The following PPP1R16B variants were observed in gnomAD, a reference collection of about 807,000 sequenced individuals.
The protein encoded by PPP1R16B is protein phosphatase 1 regulatory subunit 16B.
In PPP1R16B, 14 loss-of-function variants were observed where a neutral mutation model predicts 61.7. The observed-to-expected ratio is 0.23, with a 90% CI of 0.15 to 0.35. PPP1R16B has a LOEUF of 0.35. PPP1R16B is among the 10% of genes least tolerant of loss of function. The pLI, the probability that PPP1R16B is intolerant of heterozygous loss-of-function variation, is 1.00. For synonymous variants in PPP1R16B, 266 were observed against 305.3 expected (o/e 0.87, Z 1.34); for missense variants, 547 against 752.5 (o/e 0.73, Z 3.19).
intron 3 of PPP1R16B, among the ~76,000 whole-genome samples, chr20:38,892,724 C>T (rs545400096): frequency 6.6e-6 from 1 of 152,076 alleles, no homozygotes; most frequent in African/African-American, 2.4e-5. Context: ...ACCGATGACT[C>T]GACTCAAAGG....
At chr20:38,875,155 A>T (rs2085157111) in intron 2 of PPP1R16B, among the ~76,000 whole-genome samples, 1 of 152,166 alleles carries the variant, frequency 6.6e-6, no homozygotes, top group Non-Finnish European at 1.5e-5. Context: ...CCGAGAGCTC[A>T]GGACATTTTC....
At chr20:38,822,461 G>A (rs2084779097) in intron 1 of PPP1R16B, among the ~76,000 whole-genome samples, 1 of 142,412 alleles carries the variant, frequency 7.0e-6, no homozygotes, top group East Asian at 2.1e-4. Context: ...CTCCTCTCCA[G>A]TTTCTACTTG....
At position 38,908,041 on chromosome 20, in the gene PPP1R16B, C is replaced by A. The variant is rs1242087219; in HGVS notation, c.1042C>A (p.Arg348=). 1.2e-6 allele frequency: 2 copies of A among 1,614,034 alleles called. No homozygotes were observed. The highest frequency in any genetic ancestry group is 1.3e-5 in the African/African-American group (1 of 74,928). Residue 348 remains arginine (R), a synonymous_variant, in exon 10 of 11, where the codon CGA becomes AGA. Coordinates refer to ENST00000299824, the MANE Select transcript of PPP1R16B (RefSeq NM_015568.4). ...SAGSRGKVVR[R]ASLSDRTNLY... ...TTGTCCTCTCAGGAAGGTGGTGCGG[C>A]GAGCCAGCCTGTCGGACAGGACCAA...
At chr20:38,917,591 A>G (rs1321829416) in intron 10 of PPP1R16B, among the ~76,000 whole-genome samples, 1 of 152,194 alleles carries the variant, frequency 6.6e-6, no homozygotes, top group East Asian at 1.9e-4. Context: ...AGGAAGGATT[A>G]CAAGTGACTG....
At chr20:38,855,369 AC>A (rs1247071205) in intron 2 of PPP1R16B, among the ~76,000 whole-genome samples, 9 of 151,486 alleles carry the variant, frequency 5.9e-5, no homozygotes, top group Non-Finnish European at 1.2e-4. Context: ...AAAAAAAAAA[AC>A]AAAACCCTAG....
chr20:38,846,899 C>T (rs1452921734), intron 2 of PPP1R16B, among the ~76,000 whole-genome samples: 2 of 151,954 alleles, frequency 1.3e-5, no homozygotes, highest in East Asian at 1.9e-4. Flanking sequence ...TAGCAACTTG[C>T]GGGGTGGAGG....
chr20:38,852,778 G>C (rs1331392879), intron 2 of PPP1R16B, among the ~76,000 whole-genome samples: 1 of 126,150 alleles, frequency 7.9e-6, no homozygotes, highest in Non-Finnish European at 1.7e-5. Context: ...TGCGGGGGGT[G>C]GGGGTAGCAT....
intron 1 of PPP1R16B, among the ~76,000 whole-genome samples, chr20:38,815,990 A>C (rs1018182618): frequency 2.0e-5 from 3 of 152,242 alleles, no homozygotes; most frequent in Non-Finnish European, 4.4e-5. Flanking sequence ...ATTCATTAAT[A>C]TCACAAATGA....
chr20:38,920,543 T>G lies in PPP1R16B; in HGVS notation c.*1877T>G, dbSNP rs1464650893. Reference sequence around the variant, plus strand: ...CCCTACTGTGGCCCCCATAGCCCCATAACCCAGAGAGGGAGCTGGACTTCA... The same window carrying G: ...CCCTACTGTGGCCCCCATAGCCCCAGAACCCAGAGAGGGAGCTGGACTTCA... On this transcript the variant is annotated 3_prime_UTR_variant, in exon 11 of 11. Coordinates refer to ENST00000299824, the MANE Select transcript of PPP1R16B (RefSeq NM_015568.4). The G allele has an allele frequency of 1.3e-5, 2 of 153,112 alleles. No homozygotes were observed. The highest frequency in any genetic ancestry group is 4.1e-4 in the South Asian group (2 of 4,840). The allele number at this position is 153,112 out of a possible 1,614,324, so 9.5% of individuals were successfully genotyped here. A position where few individuals can be genotyped will look rare whatever the true frequency, so the allele number is the denominator to read the frequency against.
chr20:38,883,920 G>T (rs150882257), intron 2 of PPP1R16B, among the ~76,000 whole-genome samples: 14 of 152,312 alleles, frequency 9.2e-5, no homozygotes, highest in African/African-American at 3.4e-4. Context: ...CAGAGAAGGG[G>T]AATAACTTGC....
chr20:38,819,434 C>G (rs983051715), intron 1 of PPP1R16B, among the ~76,000 whole-genome samples: 1 of 152,010 alleles, frequency 6.6e-6, no homozygotes, highest in Non-Finnish European at 1.5e-5. Context: ...TGTTTGAACC[C>G]AGGAGTTTGA....
rs542182990 is a variant in PPP1R16B, at chr20:38,918,143, C to G, written c.1195-14C>G. 1 of 1,611,826 alleles carries G rather than the reference C, an allele frequency of 6.2e-7. No individual in the cohort carries two copies. Among genetic ancestry groups the G allele is most frequent in the Non-Finnish European group, 8.5e-7 (1 of 1,178,112 alleles). Reference sequence around the variant, plus strand: ...CTTCCAGCCAGCTGGTAATGTTGTCCTTCTCACTCGCAGAACCCCAGGCTG... The same window carrying G: ...CTTCCAGCCAGCTGGTAATGTTGTCGTTCTCACTCGCAGAACCCCAGGCTG... On this transcript the variant is annotated splice_polypyrimidine_tract_variant and intron_variant, in intron 10 of 10. Transcript: ENST00000299824. This position sits in a 1 kb window ranked among gnomAD's most constrained non-coding sequence, Gnocchi z 5.3.
intron 1 of PPP1R16B, among the ~76,000 whole-genome samples, chr20:38,808,731 A>C (rs1054582746): frequency 3.9e-5 from 6 of 152,182 alleles, no homozygotes; most frequent in African/African-American, 1.4e-4. Context: ...CCATTAACAC[A>C]TAGAAAGTGC....
chr20:38,916,273 A>G (rs947320894), intron 10 of PPP1R16B, among the ~76,000 whole-genome samples: 1 of 131,568 alleles, frequency 7.6e-6, no homozygotes, highest in Non-Finnish European at 1.6e-5. Flanking sequence ...GCCTTATCAC[A>G]TATTACCATA....
intron 1 of PPP1R16B, among the ~76,000 whole-genome samples, chr20:38,830,409 C>T (rs1403275741): frequency 6.6e-6 from 1 of 152,142 alleles, no homozygotes; most frequent in Non-Finnish European, 1.5e-5. Context: ...TAAGTTTTGC[C>T]AACACTAAAC....
At chr20:38,808,901 C>T (rs778093676) in intron 1 of PPP1R16B, among the ~76,000 whole-genome samples, 2 of 152,020 alleles carry the variant, frequency 1.3e-5, no homozygotes, top group Non-Finnish European at 2.9e-5. Context: ...AGCATGGTGG[C>T]GCATGCCTGT....
intron 2 of PPP1R16B, among the ~76,000 whole-genome samples, chr20:38,869,996 T>G (rs1174194770): frequency 6.6e-6 from 1 of 152,064 alleles, no homozygotes; most frequent in East Asian, 1.9e-4. Context: ...CGATCCCAGC[T>G]CACTGCAACC....
chr20:38,828,995 G>A (rs1268281583), intron 1 of PPP1R16B, among the ~76,000 whole-genome samples: 1 of 152,212 alleles, frequency 6.6e-6, no homozygotes, highest in East Asian at 1.9e-4. Context: ...TTGTGGGAAG[G>A]CGGGGGTGTA....
At chr20:38,904,659 A>G (rs977378973) in intron 6 of PPP1R16B, among the ~76,000 whole-genome samples, 1 of 146,336 alleles carries the variant, frequency 6.8e-6, no homozygotes, top group Non-Finnish European at 1.5e-5. Context: ...TTCAAGTTGG[A>G]AAAAAAAAAA....
Sources: allele counts gnomAD v4.1 joint callset (sites outside exome capture counted in the v4.1 genomes callset), GRCh38; gene constraint gnomAD v4.1.1; non-coding constraint Gnocchi (gnomAD v3.1); transcripts MANE v1.5; gene names NCBI Gene and HGNC (gene_info 2026-07-23, HGNC 2026-07-21).